The following KIF16B variants were observed in gnomAD, a reference collection of about 807,000 sequenced individuals.
KIF16B encodes kinesin-like protein KIF16B.
A neutral mutation model predicts 156.3 loss-of-function variants in KIF16B; 98 were observed. The observed-to-expected ratio is 0.63, with a 90% confidence interval of 0.53 to 0.74. The LOEUF (loss-of-function observed/expected upper bound fraction) is 0.74, where lower values mean the gene tolerates loss of function less well. KIF16B is among the 30% of genes least tolerant of loss of function. KIF16B has a pLI of 0.00. For synonymous variants in KIF16B, 564 were observed against 583.7 expected, an observed-to-expected ratio of 0.97 and a Z score of 0.49; for missense variants, 1,421 against 1,606.5, an observed-to-expected ratio of 0.88 and a Z score of 1.97.
chr20:16,419,298 G>A (rs559464652), intron 15 of KIF16B, among the ~76,000 whole-genome samples: 83 of 152,250 alleles, frequency 5.5e-4, no homozygotes, highest in African/African-American at 1.9e-3. Context: ...AAGTGCAGGT[G>A]AGTCAGTGAA....
intron 12 of KIF16B, among the ~76,000 whole-genome samples, chr20:16,456,758 G>GTGTTTT (rs2067223679): frequency 6.6e-6 from 1 of 152,118 alleles, no homozygotes; most frequent in African/African-American, 2.4e-5. Context: ...CATGGATTCT[G>GTGTTTT]TGCCTGTGTT....
chr20:16,275,841 T>C (rs1259711521), intron 25 of KIF16B, among the ~76,000 whole-genome samples: 1 of 152,168 alleles, frequency 6.6e-6, no homozygotes, highest in Non-Finnish European at 1.5e-5. Flanking sequence ...GGGACTTGAA[T>C]TGCATCAAAC....
At chr20:16,408,951 G>A (rs544372916) in intron 15 of KIF16B, among the ~76,000 whole-genome samples, 2 of 152,214 alleles carry the variant, frequency 1.3e-5, no homozygotes, top group East Asian at 1.9e-4. Flanking sequence ...CTTACTGTAT[G>A]CCAGTCACTG....
chr20:16,551,775 C>A (rs4814507), intron 1 of KIF16B, among the ~76,000 whole-genome samples: 79,505 of 151,950 alleles, frequency 0.52, 20,936 homozygotes, highest in Non-Finnish European at 0.55. Context: ...CAGAGAGCAA[C>A]ACAGGCCTGG....
At position 16,364,826 on chromosome 20, in the gene KIF16B, A is replaced by T. The variant is rs954244538; in HGVS notation, c.3498+5760T>A. Among the ~76,000 whole-genome samples the T allele has an allele frequency of 5.9e-5, 9 of 152,356 alleles. No individual in the cohort carries two copies. In the East Asian group the frequency reaches 1.7e-3, roughly 29 times the overall value. On this transcript the variant is annotated intron_variant, in intron 22 of 25. Transcript: ENST00000354981. ...CCTCATTGTGGCCTTCTTAGATCAT[A>T]AAGCAGACTGCAGAAGTTATAATGA...
At chr20:16,366,811 A>T (rs933103127) in intron 22 of KIF16B, 67 of 1,043,356 alleles carry the variant, frequency 6.4e-5, no homozygotes, top group Non-Finnish European at 7.5e-5. Context: ...GACAGATTCC[A>T]AGCCACCACA....
At chr20:16,353,807 TCCATATGGGGTGG>T (rs1306483050) in intron 23 of KIF16B, among the ~76,000 whole-genome samples, 3 of 152,178 alleles carry the variant, frequency 2.0e-5, no homozygotes, top group African/African-American at 7.2e-5. Context: ...TGACAAGGTA[TCCATATGGGGTGG>T]AAGGCTTCCA....
intron 12 of KIF16B, among the ~76,000 whole-genome samples, chr20:16,437,879 T>TC (rs1431072253): frequency 6.6e-6 from 1 of 151,634 alleles, no homozygotes; most frequent in Non-Finnish European, 1.5e-5. Context: ...ATGCCTGTAA[T>TC]CCCAGTACTT....
rs77018538 is a variant in KIF16B at position 16,315,103 on chromosome 20, A to T, written c.3712-2685T>A. Among the ~76,000 whole-genome samples, 880 of 152,248 alleles carry T rather than the reference A, an allele frequency of 5.8e-3. 15 individuals are homozygous for T. The highest frequency in any genetic ancestry group is 0.02 in the African/African-American group (833 of 41,536). On this transcript the variant is annotated intron_variant, in intron 24 of 25. Coordinates refer to ENST00000354981, the MANE Select transcript of KIF16B (RefSeq NM_024704.5). ...CACATGCTCAATCAGAAGTCGTGCA[A>T]TAAAAGGACTTTAGGCAGTGGAAGC...
intron 23 of KIF16B, among the ~76,000 whole-genome samples, chr20:16,345,464 G>A (rs17670690): frequency 0.15 from 22,329 of 152,130 alleles, 1,733 homozygotes; most frequent in Admixed American, 0.16. Flanking sequence ...CTGCATTATA[G>A]TCCTTTTCTG....
At chr20:16,418,133 AAGG>A (rs1312018599) in intron 15 of KIF16B, among the ~76,000 whole-genome samples, 2 of 152,294 alleles carry the variant, frequency 1.3e-5, no homozygotes, top group East Asian at 1.9e-4. Context: ...GAAGTTTTAA[AAGG>A]AGAAGAGAGA....
intron 24 of KIF16B, among the ~76,000 whole-genome samples, chr20:16,319,198 G>A (rs191801986): frequency 4.8e-4 from 73 of 152,140 alleles, no homozygotes; most frequent in Non-Finnish European, 9.4e-4. Flanking sequence ...AGGCCATTAG[G>A]TAAAAACTAA....
At position 16,449,866 on chromosome 20, in the gene KIF16B, C is replaced by T. The variant is rs568377823; in HGVS notation, c.1303-19884G>A. Reference sequence around the variant, plus strand: ...AACATTCACTGAGCACCTCATGACACATGGGTGCACCAGGGCACATGAAAG... The same window carrying T: ...AACATTCACTGAGCACCTCATGACATATGGGTGCACCAGGGCACATGAAAG... On this transcript the variant is annotated intron_variant, in intron 12 of 25. Coordinates refer to ENST00000354981, the MANE Select transcript of KIF16B (RefSeq NM_024704.5). Among the ~76,000 whole-genome samples the T allele has an allele frequency of 3.9e-5, 6 of 152,216 alleles. No homozygotes were observed. In the South Asian group the frequency reaches 1.2e-3, roughly 32 times the overall value.
rs2066644920 is a variant in KIF16B at position 16,436,517 on chromosome 20, T to C, written c.1303-6535A>G. The stretch of plus-strand genomic sequence containing the variant: ...TCCAGTTACCACCACTGGCCATCAC[T>C]ACTACTCTTCAGTAACAATAGGAAA... On this transcript the variant is annotated intron_variant, in intron 12 of 25. Coordinates refer to ENST00000354981, the MANE Select transcript of KIF16B (RefSeq NM_024704.5). 1.3e-5 allele frequency among the ~76,000 whole-genome samples: 2 copies of C among 152,190 alleles called. 1 individual carries two copies.
chr20:16,499,262 G>A (rs2068547491), intron 10 of KIF16B, among the ~76,000 whole-genome samples: 1 of 152,190 alleles, frequency 6.6e-6, no homozygotes, highest in South Asian at 2.1e-4. Context: ...AAGAGTCACT[G>A]TCCTCCAGGA....
At chr20:16,567,981 A>G (rs2071321985) in intron 1 of KIF16B, among the ~76,000 whole-genome samples, 1 of 152,188 alleles carries the variant, frequency 6.6e-6, no homozygotes, top group South Asian at 2.1e-4. Context: ...AGTACCTGGT[A>G]CCTGGCAGTG....
intron 12 of KIF16B, among the ~76,000 whole-genome samples, chr20:16,452,371 A>T (rs2146611312): frequency 6.6e-6 from 1 of 152,254 alleles, no homozygotes; most frequent in Admixed American, 6.5e-5. Context: ...TATGAGCAAA[A>T]AAGTAAGTAA....
At chr20:16,436,422 GC>G (rs2066642366) in intron 12 of KIF16B, among the ~76,000 whole-genome samples, 1 of 152,180 alleles carries the variant, frequency 6.6e-6, no homozygotes, top group Admixed American at 6.5e-5. Flanking sequence ...GGGGCAGGAT[GC>G]CCTCGAGCTT....
At chr20:16,514,582 G>GAAAAAAAAAAA (rs540602451) in intron 4 of KIF16B, among the ~76,000 whole-genome samples, 3 of 76,946 alleles carry the variant, frequency 3.9e-5, no homozygotes, top group African/African-American at 5.6e-5. Flanking sequence ...TAAGAAATAA[G>GAAAAAAAAAAA]AAAAAAAAAA....
Sources: allele counts gnomAD v4.1 joint callset (sites outside exome capture counted in the v4.1 genomes callset), GRCh38; gene constraint gnomAD v4.1.1; transcripts MANE v1.5; gene names NCBI Gene and HGNC (gene_info 2026-07-23, HGNC 2026-07-21).